Variants in ZNF148 observed in about 807,000 individuals in gnomAD.
The protein encoded by ZNF148 is zinc finger protein 148, also known as Beta-Enolase Repressor Factor-1.
Under a neutral mutation model 67.7 loss-of-function variants are expected in ZNF148, and 7 were observed. That is an observed-to-expected ratio of 0.10 (90% CI 0.06 to 0.19). The LOEUF (loss-of-function observed/expected upper bound fraction) is 0.19. Ranked by LOEUF, ZNF148 falls within the 10% of genes least tolerant of loss-of-function variation. The probability of loss-of-function intolerance (pLI) is 1.00; values close to 1 mark genes in which losing one functional copy is unlikely to be tolerated. For missense variants in ZNF148, 583 were observed against 947.1 expected (o/e 0.62, Z 5.05); for synonymous variants, 333 against 330.7 (o/e 1.01, Z -0.08).
intron 4 of ZNF148, among the ~76,000 whole-genome samples, chr3:125,304,343 T>G (rs1010572055): frequency 6.6e-6 from 1 of 151,930 alleles, no homozygotes; most frequent in Non-Finnish European, 1.5e-5. Flanking sequence ...AAAAGCTAAG[T>G]GGGGTGAAGA....
chr3:125,230,710 A>G lies in ZNF148; in HGVS notation c.*1631T>C, dbSNP rs2107824980. 6.6e-6 allele frequency: 1 copy of G among 152,588 alleles called. No homozygotes were observed. Among genetic ancestry groups the G allele is most frequent in the Non-Finnish European group, 1.5e-5 (1 of 67,972 alleles). The allele number at this position is 152,588 out of a possible 1,614,324, so 9.5% of individuals were successfully genotyped here. On this transcript the variant is annotated 3_prime_UTR_variant, in exon 9 of 9. Transcript: ENST00000360647. ...ACTGCAGAGCTATAGGGCCAGTATAAGAGTCAAAATGGAAATTAAGAATAT... is the reference window on the plus strand; with the variant it reads ...ACTGCAGAGCTATAGGGCCAGTATAGGAGTCAAAATGGAAATTAAGAATAT...
At chr3:125,325,781 T>C (rs768822845) in intron 2 of ZNF148, among the ~76,000 whole-genome samples, 7 of 152,146 alleles carry the variant, frequency 4.6e-5, no homozygotes, top group African/African-American at 7.2e-5. Flanking sequence ...GCCCCAAATT[T>C]AATTTTTCTA....
chr3:125,293,768 C>T (rs769633617), intron 4 of ZNF148, among the ~76,000 whole-genome samples: 1 of 152,040 alleles, frequency 6.6e-6, no homozygotes, highest in Non-Finnish European at 1.5e-5. Context: ...CTACAAGGAA[C>T]ATCAATATAG....
chr3:125,340,769 G>C (rs140894677), intron 1 of ZNF148, among the ~76,000 whole-genome samples: 1 of 151,710 alleles, frequency 6.6e-6, no homozygotes, highest in South Asian at 2.1e-4. Flanking sequence ...GGCGGATCAC[G>C]AGGTCAGGAG....
chr3:125,321,177 A>G (rs573345252), intron 3 of ZNF148, among the ~76,000 whole-genome samples: 9 of 152,216 alleles, frequency 5.9e-5, no homozygotes, highest in African/African-American at 2.2e-4. Flanking sequence ...TCTATAAAAC[A>G]TATCTTCTAA....
intron 5 of ZNF148, among the ~76,000 whole-genome samples, chr3:125,285,567 A>C (rs865857803): frequency 5.9e-5 from 9 of 152,086 alleles, no homozygotes; most frequent in Admixed American, 3.9e-4. Context: ...AAAAAAAAAA[A>C]AACAAAACCA....
chr3:125,240,765 CAAAAA>C (rs200238945), intron 7 of ZNF148, among the ~76,000 whole-genome samples: 1 of 84,104 alleles, frequency 1.2e-5, no homozygotes, highest in African/African-American at 4.5e-5. Context: ...ATCCTGTCTG[CAAAAA>C]AAAAAAAAAA....
At position 125,230,510 on chromosome 3, in the gene ZNF148, C is replaced by T. The variant is rs1384502295; in HGVS notation, c.*1831G>A. On this transcript the variant is annotated 3_prime_UTR_variant, in exon 9 of 9. Coordinates refer to ENST00000360647, the MANE Select transcript of ZNF148 (RefSeq NM_021964.3). Reference sequence around the variant, plus strand: ...AATAACCAAAGTATACAGGAAACCACATTAAATATAATTTATATTCCTTAT... The same window carrying T: ...AATAACCAAAGTATACAGGAAACCATATTAAATATAATTTATATTCCTTAT... 6.6e-6 allele frequency: 1 copy of T among 152,482 alleles called. No homozygotes were observed. Among genetic ancestry groups the T allele is most frequent in the African/African-American group, 2.4e-5 (1 of 41,400 alleles). The allele number at this position is 152,482 out of a possible 1,614,324, so 9.4% of individuals were successfully genotyped here.
At chr3:125,362,579 G>A (rs1322889876) in intron 1 of ZNF148, among the ~76,000 whole-genome samples, 1 of 150,120 alleles carries the variant, frequency 6.7e-6, no homozygotes, top group Non-Finnish European at 1.5e-5. Flanking sequence ...TTTTGAGACG[G>A]GCTCTTACTC....
At chr3:125,328,813 C>G (rs749997798) in intron 2 of ZNF148, among the ~76,000 whole-genome samples, 3 of 151,904 alleles carry the variant, frequency 2.0e-5, no homozygotes, top group Non-Finnish European at 2.9e-5. Flanking sequence ...AGCTAATCAA[C>G]AAAAAACTGA....
chr3:125,238,606 C>T (rs1334962250), intron 7 of ZNF148, among the ~76,000 whole-genome samples: 3 of 151,910 alleles, frequency 2.0e-5, no homozygotes, highest in Non-Finnish European at 2.9e-5. Context: ...CTAGTCTGGG[C>T]GACAGAAAAA....
At chr3:125,362,118 A>G (rs934253682) in intron 1 of ZNF148, among the ~76,000 whole-genome samples, 46 of 152,346 alleles carry the variant, frequency 3.0e-4, no homozygotes, top group African/African-American at 1.1e-3. Context: ...GCACCACCAG[A>G]AAGCTATGAA....
chr3:125,350,152 T>C (rs1267609344), intron 1 of ZNF148, among the ~76,000 whole-genome samples: 2 of 66,518 alleles, frequency 3.0e-5, no homozygotes, highest in South Asian at 7.4e-4. Context: ...GAATTGATAA[T>C]GGGTTTTGGT....
chr3:125,264,698 A>G (rs940546188), intron 7 of ZNF148, among the ~76,000 whole-genome samples: 1 of 152,154 alleles, frequency 6.6e-6, no homozygotes, highest in Non-Finnish European at 1.5e-5. Flanking sequence ...ATCTGTAATT[A>G]TTTTTCCTCT....
rs759830342 is a variant in ZNF148 at position 125,233,966 on chromosome 3, G to A, written c.787-27C>T. ...TGTTGAATTCAGAGGATGGTAGTGGGTTGTTTGTGGTTTTGGTCAACCAAG... is the reference window on the plus strand; with the variant it reads ...TGTTGAATTCAGAGGATGGTAGTGGATTGTTTGTGGTTTTGGTCAACCAAG... On this transcript the variant is annotated intron_variant, in intron 8 of 8. Transcript: ENST00000360647. The surrounding 1 kb of genome is among the most constrained non-coding windows in gnomAD (Gnocchi z 5.1). 2 of 1,544,640 alleles carry A rather than the reference G, an allele frequency of 1.3e-6. No homozygotes were observed. The highest frequency in any genetic ancestry group is 4.5e-5 in the East Asian group (2 of 44,074).
At chr3:125,257,290 G>A (rs760464880) in intron 7 of ZNF148, among the ~76,000 whole-genome samples, 3 of 151,964 alleles carry the variant, frequency 2.0e-5, no homozygotes, top group Non-Finnish European at 4.4e-5. Flanking sequence ...GGTGGCTCAC[G>A]CCTGTAATCC....
intron 1 of ZNF148, among the ~76,000 whole-genome samples, chr3:125,349,066 C>T (rs1942047843): frequency 6.6e-6 from 1 of 152,144 alleles, no homozygotes; most frequent in South Asian, 2.1e-4. Flanking sequence ...CCTCATTTTA[C>T]ACCATACATA....
At chr3:125,341,457 A>G (rs1349298623) in intron 1 of ZNF148, among the ~76,000 whole-genome samples, 1 of 152,056 alleles carries the variant, frequency 6.6e-6, no homozygotes, top group Admixed American at 6.6e-5. Context: ...CATCTGTACA[A>G]AAAAAATTTA....
chr3:125,286,440 G>T (rs960694560), intron 5 of ZNF148, among the ~76,000 whole-genome samples: 2 of 152,142 alleles, frequency 1.3e-5, no homozygotes, highest in African/African-American at 4.8e-5. Flanking sequence ...TACACCTCAG[G>T]TCCACTGCAG....
Sources: allele counts gnomAD v4.1 joint callset (sites outside exome capture counted in the v4.1 genomes callset), GRCh38; gene constraint gnomAD v4.1.1; non-coding constraint Gnocchi (gnomAD v3.1); transcripts MANE v1.5; gene names NCBI Gene and HGNC (gene_info 2026-07-23, HGNC 2026-07-21).